Variants in DCDC2B observed in about 807,000 individuals in gnomAD.
The protein encoded by DCDC2B is doublecortin domain-containing protein 2B.
DCDC2B carries 41 observed loss-of-function variants against 38.9 expected under a neutral mutation model. The ratio of observed to expected loss-of-function variants is 1.05; its 90% CI spans 0.82 to 1.37. DCDC2B has a LOEUF of 1.37. Ranked by LOEUF, DCDC2B falls within the 40% of genes most tolerant of loss-of-function variation. DCDC2B has a pLI of 0.00. For missense variants in DCDC2B, 453 were observed against 427.2 expected (o/e 1.06, Z -0.53); for synonymous variants, 181 against 171.9 (o/e 1.05, Z -0.41).
intron 1 of DCDC2B, among the ~76,000 whole-genome samples, chr1:32,209,775 C>G (rs936520988): frequency 6.6e-6 from 1 of 152,180 alleles, no homozygotes; most frequent in African/African-American, 2.4e-5. Flanking sequence ...TCCTCTGTTG[C>G]AGGAGGAGAC....
chr1:32,213,795 C>A (rs1643683697), intron 6 of DCDC2B, among the ~76,000 whole-genome samples: 1 of 151,930 alleles, frequency 6.6e-6, no homozygotes, highest in South Asian at 2.1e-4. Flanking sequence ...CAGGCGTGAG[C>A]CACCGCGCTC....
chr1:32,211,675 G>C (rs963109835), intron 2 of DCDC2B, 86 bp from the exon 3 acceptor site: 1 of 1,406,352 alleles, frequency 7.1e-7, no homozygotes, highest in Non-Finnish European at 9.8e-7. Context: ...GTCTGGTTCC[G>C]GCCCCCTCAC....
At position 32,215,857 on chromosome 1, in the gene DCDC2B, G is replaced by A; in HGVS notation, c.1010G>A (p.Gly337Glu). 2 of 1,552,894 alleles carry A rather than the reference G, an allele frequency of 1.3e-6. No homozygotes were observed. The highest frequency in any genetic ancestry group is 1.7e-6 in the Non-Finnish European group (2 of 1,147,814). Residue 337 changes from glycine (G) to glutamate (E), a missense_variant, in exon 9 of 9, where the codon GGG (glycine) becomes GAG (glutamate). Physicochemically the swap from Gly to Glu is moderately conservative, Grantham distance 98. Coordinates refer to ENST00000409358, the MANE Select transcript of DCDC2B (RefSeq NM_001099434.2). ...ALSLENQPGA[G>E]AAISASAPAL... is the part of the protein sequence containing the mutation. The stretch of plus-strand genomic sequence containing the variant: ...TCCCTGGAAAACCAGCCTGGGGCTG[G>A]GGCTGCTATCTCAGCCTCAGCCCCA...
At chr1:32,211,617 G>T in intron 2 of DCDC2B, 144 bp from the exon 3 acceptor site, 1 of 778,898 alleles carries the variant, frequency 1.3e-6, no homozygotes, top group Non-Finnish European at 2.1e-6. Flanking sequence ...GCACCGTTTG[G>T]TGAAAGGTGT....
chr1:32,210,141 A>G (rs1409932196), intron 1 of DCDC2B, among the ~76,000 whole-genome samples: 2 of 152,170 alleles, frequency 1.3e-5, no homozygotes, highest in African/African-American at 4.8e-5. Flanking sequence ...CAGCCTGACC[A>G]ACATGGAGAA....
At chr1:32,213,316 C>T (rs1196940002) in intron 6 of DCDC2B, among the ~76,000 whole-genome samples, 1 of 151,728 alleles carries the variant, frequency 6.6e-6, no homozygotes, top group Non-Finnish European at 1.5e-5. Flanking sequence ...ACACTATGCC[C>T]AGCCTGCATC....
intron 6 of DCDC2B, 162 bp from the exon 7 acceptor site, chr1:32,214,634 TG>T: frequency 1.0e-6 from 1 of 969,760 alleles, no homozygotes; most frequent in Non-Finnish European, 1.5e-6. Context: ...GTCAGGCTGG[TG>T]GGAAGAGGCA....
At chr1:32,211,510 C>G (rs1180758536) in intron 2 of DCDC2B, among the ~76,000 whole-genome samples, 187 bp downstream of exon 2, 1 of 152,182 alleles carries the variant, frequency 6.6e-6, no homozygotes, top group South Asian at 2.1e-4. Flanking sequence ...TCTGTCGCAG[C>G]CTTTAACTCC....
In DCDC2B at chr1:32,212,149, G is replaced by C; in HGVS notation, c.475G>C (p.Val159Leu). Residue 159 changes from valine to leucine, a missense_variant, in exon 4 of 9, where the codon GTG becomes CTG. Physicochemically the swap from Val to Leu is conservative, Grantham distance 32 (BLOSUM62 1). Transcript: ENST00000409358. Reference sequence around the variant, plus strand: ...GGCTGCCAGCCAGGACTGGGAAACTGTGTTGAAGCTCCTGACTGAGAAGGT... The same window carrying C: ...GGCTGCCAGCCAGGACTGGGAAACTCTGTTGAAGCTCCTGACTGAGAAGGT... ...SQAASQDWET[V>L]LKLLTEKVKL... is the part of the protein sequence containing the mutation. The C allele has an allele frequency of 6.2e-7, 1 of 1,613,814 alleles. No homozygotes were observed. The highest frequency in any genetic ancestry group is 1.1e-5 in the South Asian group (1 of 91,070).
rs1243316890 is a variant in DCDC2B, at chr1:32,215,886, C to T, written c.1039C>T (p.Leu347=). 6.4e-7 allele frequency: 1 copy of T among 1,551,344 alleles called. No individual in the cohort carries two copies. The highest frequency in any genetic ancestry group is 8.7e-7 in the Non-Finnish European group (1 of 1,147,062). ...TGCTATCTCAGCCTCAGCCCCAGCT[C>T]TGCCATCTTGAGAGCCAGCAGCTCC... ...GAAISASAPA[L]PS Residue 347 remains leucine (L), a synonymous_variant, in exon 9 of 9, where the codon CTG becomes TTG. Coordinates refer to ENST00000409358, the MANE Select transcript of DCDC2B (RefSeq NM_001099434.2).
chr1:32,209,626 C>A (rs1415260690), intron 1 of DCDC2B, among the ~76,000 whole-genome samples: 2 of 152,268 alleles, frequency 1.3e-5, no homozygotes, highest in Middle Eastern at 3.4e-3. Flanking sequence ...TGTGGGAAGA[C>A]CACTCTCCCA....
rs375649285 is a variant in DCDC2B, at chr1:32,212,640, T to G, written c.674+4T>G. On this transcript the variant is annotated splice_donor_region_variant and intron_variant, in intron 5 of 8. Coordinates refer to ENST00000409358, the MANE Select transcript of DCDC2B (RefSeq NM_001099434.2). ...CCTCCCTGCCCAGGGGCTGCTGGTA[T>G]GTATGTGGGAGGTGGAGCGGTAACA... 4 of 1,613,616 alleles carry G rather than the reference T, an allele frequency of 2.5e-6. No individual in the cohort carries two copies. The African/African-American group carries it at 5.3e-5, about 22-fold the overall frequency.
At chr1:32,215,357 A>G in intron 7 of DCDC2B, 83 bp from the exon 8 acceptor site, 1 of 1,175,258 alleles carries the variant, frequency 8.5e-7, no homozygotes, top group Non-Finnish European at 1.2e-6. Context: ...AGGGGAGGGA[A>G]AGGGGCTAGC....
chr1:32,214,445 G>C (rs983298598), intron 6 of DCDC2B: 6 of 232,368 alleles, frequency 2.6e-5, no homozygotes, highest in Non-Finnish European at 3.4e-5. Context: ...TGGACGCTGG[G>C]AGAGAGAATT....
rs371689391 is a variant in DCDC2B at position 32,209,269 on chromosome 1, C to T, written c.176C>T (p.Pro59Leu). ...APLAVRALYT[P>L]CHGHPVTNLA... is the part of the protein sequence containing the mutation. ...CTGGCTGTGCGTGCCCTCTACACACCTTGTCATGGCCACCCTGTCACCAAC... is the reference window on the plus strand; with the variant it reads ...CTGGCTGTGCGTGCCCTCTACACACTTTGTCATGGCCACCCTGTCACCAAC... Residue 59 changes from proline to leucine, a missense_variant, in exon 1 of 9, where the codon CCT (proline) becomes CTT (leucine). Coordinates refer to ENST00000409358, the MANE Select transcript of DCDC2B (RefSeq NM_001099434.2). 25 of 1,613,898 alleles carry T rather than the reference C, an allele frequency of 1.5e-5. No individual in the cohort carries two copies. Among genetic ancestry groups the T allele is most frequent in the Non-Finnish European group, 2.0e-5 (24 of 1,179,906 alleles).
At chr1:32,213,675 A>AT (rs1489976191) in intron 6 of DCDC2B, among the ~76,000 whole-genome samples, 2 of 150,852 alleles carry the variant, frequency 1.3e-5, no homozygotes, top group Non-Finnish European at 3.0e-5. Context: ...TGCCCGGTTA[A>AT]TTTTTTTTGT....
Position 32,211,395 on chromosome 1 carries a change from C to T in DCDC2B, c.318+72C>T, listed in dbSNP as rs115551589. The T allele has an allele frequency of 3.9e-3, 5,995 of 1,546,624 alleles. 22 individuals are homozygous for T. The highest frequency in any genetic ancestry group is 4.9e-3 in the Non-Finnish European group (5,510 of 1,127,024). ...CTCCTGGAACTGCCCCCAATTTGGT[C>T]TGGGAAGCCAGGGAAGCAGCAGGAT... On this transcript the variant is annotated intron_variant, in intron 2 of 8. Coordinates refer to ENST00000409358, the MANE Select transcript of DCDC2B (RefSeq NM_001099434.2).
chr1:32,215,698 A>G, intron 8 of DCDC2B, 104 bp from the exon 9 acceptor site: 1 of 1,139,468 alleles, frequency 8.8e-7, no homozygotes, highest in Admixed American at 2.7e-5. Flanking sequence ...AGCAGTTCCT[A>G]ATTTCCAGTT....
At chr1:32,215,195 CT>C (rs1013430328) in intron 7 of DCDC2B, 24 of 588,812 alleles carry the variant, frequency 4.1e-5, no homozygotes, top group Non-Finnish European at 6.4e-5. Flanking sequence ...TTCACAGGGC[CT>C]CATCACATGA....
Sources: gnomAD v4.1 joint callset for allele counts (sites outside exome capture counted in the v4.1 genomes callset) on GRCh38, gnomAD v4.1.1 for gene constraint, MANE v1.5 for transcripts, NCBI Gene and HGNC (gene_info 2026-07-23, HGNC 2026-07-21) for gene names.